The following CTNNA2 variants were observed in gnomAD, a reference collection of about 807,000 sequenced individuals.
The protein encoded by CTNNA2 is catenin alpha 2, also known as catenin alpha-2.
CTNNA2 carries 42 observed loss-of-function variants against 101.0 expected under a neutral mutation model. That is an observed-to-expected ratio of 0.42 (90% CI 0.32 to 0.54). The LOEUF is 0.54. Among genes scored for constraint, CTNNA2 ranks in the 20% least tolerant of loss-of-function variants. CTNNA2 has a pLI of 0.14. For synonymous variants in CTNNA2, 450 were observed against 456.4 expected (o/e 0.99, Z 0.18); for missense variants, 871 against 1,223.1 (o/e 0.71, Z 4.29).
intron 4 of CTNNA2, among the ~76,000 whole-genome samples, chr2:79,476,847 A>G (rs1364353461): frequency 2.6e-5 from 4 of 152,136 alleles, no homozygotes. Flanking sequence ...GTACTCAACA[A>G]AACTTAGTGC....
At chr2:79,861,542 T>C (rs1256374867) in intron 4 of CTNNA2, among the ~76,000 whole-genome samples, 1 of 152,222 alleles carries the variant, frequency 6.6e-6, no homozygotes, top group Non-Finnish European at 1.5e-5. Context: ...TGCTACTTGA[T>C]AATTATGTTT....
intron 7 of CTNNA2, among the ~76,000 whole-genome samples, chr2:79,961,474 G>A (rs919479509): frequency 2.0e-5 from 3 of 152,100 alleles, no homozygotes; most frequent in South Asian, 2.1e-4. Context: ...TGATTGCAAC[G>A]GTGAAGGCTT....
chr2:79,536,938 A>G (rs13429553), intron 1 of CTNNA2, among the ~76,000 whole-genome samples: 103,980 of 151,858 alleles, frequency 0.68, 35,753 homozygotes, highest in Non-Finnish European at 0.72. Flanking sequence ...CTGAGCTCGG[A>G]CAATCCGCCC....
intron 7 of CTNNA2, among the ~76,000 whole-genome samples, chr2:79,983,856 G>T (rs546837931): frequency 1.3e-5 from 2 of 152,136 alleles, no homozygotes; most frequent in African/African-American, 4.8e-5. Context: ...ATGTTGAAGG[G>T]CTAGCCTGGG....
chr2:79,523,585 A>G (rs189893156), intron 1 of CTNNA2, among the ~76,000 whole-genome samples: 2 of 152,256 alleles, frequency 1.3e-5, no homozygotes, highest in East Asian at 3.9e-4. Context: ...TTTATTGTCT[A>G]CATGTACTAA....
intron 7 of CTNNA2, among the ~76,000 whole-genome samples, chr2:79,976,369 T>C (rs1035794984): frequency 2.0e-5 from 3 of 152,178 alleles, no homozygotes; most frequent in African/African-American, 7.2e-5. Context: ...TGAATTTCAA[T>C]GGAATGTGAT....
chr2:80,356,580 T>A (rs1673827671), intron 7 of CTNNA2, among the ~76,000 whole-genome samples: 1 of 152,060 alleles, frequency 6.6e-6, no homozygotes, highest in African/African-American at 2.4e-5. Flanking sequence ...AACCAAGGTT[T>A]GAGAGTGCAG....
At chr2:79,262,857 A>G (rs1417356857) in intron 2 of CTNNA2, among the ~76,000 whole-genome samples, 1 of 152,194 alleles carries the variant, frequency 6.6e-6, no homozygotes, top group Admixed American at 6.5e-5. Flanking sequence ...ATTTACTACT[A>G]CATTCATTTA....
intron 1 of CTNNA2, among the ~76,000 whole-genome samples, chr2:79,629,514 C>T (rs112839168): frequency 0.042 from 6,331 of 152,204 alleles, 371 homozygotes; most frequent in African/African-American, 0.13. Flanking sequence ...GGTGCTGGTT[C>T]TGGTGATTAG....
At chr2:80,222,472 G>A (rs867616507) in intron 7 of CTNNA2, among the ~76,000 whole-genome samples, 14 of 152,148 alleles carry the variant, frequency 9.2e-5, no homozygotes, top group African/African-American at 3.4e-4. Flanking sequence ...GATCCTAAAG[G>A]TTAGGGTGAA....
chr2:80,270,013 C>T (rs1191675340), intron 7 of CTNNA2, among the ~76,000 whole-genome samples: 3 of 152,128 alleles, frequency 2.0e-5, no homozygotes, highest in Admixed American at 6.5e-5. Flanking sequence ...CTATAATCAG[C>T]GCCATAAACC....
At chr2:79,363,191 G>C (rs192541844) in intron 3 of CTNNA2, among the ~76,000 whole-genome samples, 1 of 152,322 alleles carries the variant, frequency 6.6e-6, no homozygotes, top group Admixed American at 6.5e-5. Flanking sequence ...AGATGACTCA[G>C]TTTCTAGTGA....
intron 9 of CTNNA2, among the ~76,000 whole-genome samples, chr2:80,534,279 T>C (rs1042815244): frequency 6.6e-6 from 1 of 152,062 alleles, no homozygotes; most frequent in Middle Eastern, 3.2e-3. Context: ...AATTTCTTCG[T>C]TGTACCATGT....
At chr2:80,535,380 A>G (rs1690918137) in intron 9 of CTNNA2, among the ~76,000 whole-genome samples, 1 of 152,182 alleles carries the variant, frequency 6.6e-6, no homozygotes, top group African/African-American at 2.4e-5. Context: ...TGACCTTTCA[A>G]TAAATTGCAT....
chr2:80,108,402 G>T (rs1200678387), intron 7 of CTNNA2, among the ~76,000 whole-genome samples: 3 of 152,074 alleles, frequency 2.0e-5, no homozygotes, highest in Admixed American at 1.3e-4. Flanking sequence ...TATTCCTTTG[G>T]CAGATGGTCT....
At chr2:80,177,909 G>A (rs573514005) in intron 7 of CTNNA2, among the ~76,000 whole-genome samples, 1 of 152,322 alleles carries the variant, frequency 6.6e-6, no homozygotes, top group Admixed American at 6.5e-5. Context: ...ACAACAAGGT[G>A]CAATGCTCAA....
chr2:79,635,295 G>A (rs1679950407), intron 1 of CTNNA2, among the ~76,000 whole-genome samples: 1 of 151,866 alleles, frequency 6.6e-6, no homozygotes, highest in Non-Finnish European at 1.5e-5. Flanking sequence ...AGCCGGGCGC[G>A]GTGGTGGGCG....
intron 7 of CTNNA2, among the ~76,000 whole-genome samples, chr2:80,101,931 G>A (rs1458094991): frequency 6.6e-6 from 1 of 152,126 alleles, no homozygotes; most frequent in Non-Finnish European, 1.5e-5. Flanking sequence ...CCTAGACTAG[G>A]GAAGTCTGCT....
intron 1 of CTNNA2, among the ~76,000 whole-genome samples, chr2:79,521,322 A>G (rs1672111863): frequency 6.6e-6 from 1 of 151,816 alleles, no homozygotes; most frequent in Admixed American, 6.6e-5. Flanking sequence ...CTCAGTCTGC[A>G]TGTTGACTGC....
Sources: gnomAD v4.1 joint callset for allele counts (sites outside exome capture counted in the v4.1 genomes callset) on GRCh38, gnomAD v4.1.1 for gene constraint, MANE v1.5 for transcripts, NCBI Gene and HGNC (gene_info 2026-07-23, HGNC 2026-07-21) for gene names.